The following UNC5D variants were observed in gnomAD, a reference collection of about 807,000 sequenced individuals.
The protein encoded by UNC5D is netrin receptor UNC5D.
In UNC5D, 39 loss-of-function variants were observed where a neutral mutation model predicts 105.4. The observed-to-expected ratio is 0.37, with a 90% CI of 0.29 to 0.48. UNC5D has a LOEUF of 0.48. Ranked by LOEUF, UNC5D falls within the 20% of genes least tolerant of loss-of-function variation. The pLI, the probability that UNC5D is intolerant of heterozygous loss-of-function variation, is 0.98. For missense variants in UNC5D, 991 were observed against 1,202.4 expected (o/e 0.82, Z 2.60); for synonymous variants, 452 against 450.4 (o/e 1.00, Z -0.04).
At chr8:35,246,422 G>C (rs1485280538) in intron 1 of UNC5D, among the ~76,000 whole-genome samples, 2 of 150,762 alleles carry the variant, frequency 1.3e-5, no homozygotes, top group Non-Finnish European at 3.0e-5. Context: ...TTTTTGTTTT[G>C]ATTTCTCTTA....
intron 3 of UNC5D, among the ~76,000 whole-genome samples, chr8:35,591,460 G>A (rs1457843687): frequency 6.6e-6 from 1 of 151,954 alleles, no homozygotes; most frequent in African/African-American, 2.4e-5. Flanking sequence ...TCTTTTTAAA[G>A]CTAGTTTGCC....
In UNC5D at chr8:35,794,217, C is replaced by T. The variant is rs1380242729; in HGVS notation, c.*3654C>T. ...TTCAATTTCTTAGTCCCTCTGCCCTCTGTAAATGTGTTGAGTGATATAGCT... is the reference window on the plus strand; with the variant it reads ...TTCAATTTCTTAGTCCCTCTGCCCTTTGTAAATGTGTTGAGTGATATAGCT... On this transcript the variant is annotated 3_prime_UTR_variant, in exon 17 of 17. Transcript: ENST00000404895. 6.6e-6 allele frequency: 1 copy of T among 152,174 alleles called. No homozygotes were observed. The highest frequency in any genetic ancestry group is 1.5e-5 in the Non-Finnish European group (1 of 68,034). The allele number at this position is 152,174 out of a possible 1,614,324, so 9.4% of individuals were successfully genotyped here.
intron 4 of UNC5D, among the ~76,000 whole-genome samples, chr8:35,608,935 G>T (rs962329203): frequency 2.6e-5 from 4 of 151,956 alleles, no homozygotes; most frequent in African/African-American, 9.7e-5. Flanking sequence ...TAGTGAGATT[G>T]CAGGATCTAA....
intron 1 of UNC5D, among the ~76,000 whole-genome samples, chr8:35,331,661 C>G (rs1381996348): frequency 2.6e-5 from 4 of 152,088 alleles, no homozygotes; most frequent in Non-Finnish European, 5.9e-5. Context: ...TTTAATGTTT[C>G]TTTTTCATCA....
intron 4 of UNC5D, among the ~76,000 whole-genome samples, chr8:35,605,045 G>A (rs575694796): frequency 2.0e-4 from 30 of 152,030 alleles, no homozygotes; most frequent in Non-Finnish European, 3.2e-4. Flanking sequence ...CTCTCAACTC[G>A]TTAAAGTCAT....
chr8:35,631,681 C>T (rs1164124798), intron 4 of UNC5D, among the ~76,000 whole-genome samples: 3 of 152,172 alleles, frequency 2.0e-5, no homozygotes, highest in Admixed American at 1.3e-4. Flanking sequence ...ATCTTACTGA[C>T]AGCTCTTCTG....
At chr8:35,574,386 G>A (rs982830983) in intron 3 of UNC5D, among the ~76,000 whole-genome samples, 19 of 152,140 alleles carry the variant, frequency 1.2e-4, no homozygotes, top group Non-Finnish European at 2.1e-4. Context: ...GTTTTTTAAT[G>A]TATAAAATGT....
At chr8:35,570,989 A>T (rs1817683952) in intron 3 of UNC5D, among the ~76,000 whole-genome samples, 1 of 151,852 alleles carries the variant, frequency 6.6e-6, no homozygotes, top group Non-Finnish European at 1.5e-5. Flanking sequence ...GAGAGAAAGA[A>T]TGTAAAATAT....
chr8:35,738,925 T>C (rs946758054), intron 11 of UNC5D, among the ~76,000 whole-genome samples: 12 of 152,172 alleles, frequency 7.9e-5, no homozygotes, highest in Non-Finnish European at 1.5e-4. Context: ...TAGAAATCTG[T>C]CTTTTGTCTT....
chr8:35,318,362 G>T (rs1809460484), intron 1 of UNC5D, among the ~76,000 whole-genome samples: 1 of 151,720 alleles, frequency 6.6e-6, no homozygotes, highest in African/African-American at 2.4e-5. Flanking sequence ...CTTGTAAGCA[G>T]CAAAAAAAAG....
chr8:35,418,578 G>C (rs971627867), intron 1 of UNC5D, among the ~76,000 whole-genome samples: 1 of 152,114 alleles, frequency 6.6e-6, no homozygotes, highest in African/African-American at 2.4e-5. Flanking sequence ...TCTTCAAACT[G>C]TGTGTCAGAA....
chr8:35,541,369 C>A (rs1815262452), intron 1 of UNC5D, among the ~76,000 whole-genome samples: 1 of 152,136 alleles, frequency 6.6e-6, no homozygotes, highest in Non-Finnish European at 1.5e-5. Context: ...CCACATAAGA[C>A]CAATGGTTTA....
chr8:35,361,795 T>C (rs1386403714), intron 1 of UNC5D, among the ~76,000 whole-genome samples: 1 of 152,172 alleles, frequency 6.6e-6, no homozygotes, highest in African/African-American at 2.4e-5. Context: ...GCTTCAGTTA[T>C]TAAATTAGAC....
At chr8:35,256,147 G>A (rs560011743) in intron 1 of UNC5D, 12 of 152,144 alleles carry the variant, frequency 7.9e-5, no homozygotes, top group African/African-American at 2.2e-4. Context: ...TATGTAGCAC[G>A]TTGAATGTGT....
intron 1 of UNC5D, among the ~76,000 whole-genome samples, chr8:35,504,022 C>T (rs1157667913): frequency 6.6e-6 from 1 of 152,032 alleles, no homozygotes; most frequent in Non-Finnish European, 1.5e-5. Flanking sequence ...GTTTGGCTGA[C>T]CTTAATTAAC....
At chr8:35,649,018 T>C (rs903084166) in intron 4 of UNC5D, among the ~76,000 whole-genome samples, 2 of 152,148 alleles carry the variant, frequency 1.3e-5, no homozygotes, top group African/African-American at 4.8e-5. Flanking sequence ...TAGAAGGAGA[T>C]GGTACTTCAC....
chr8:35,786,588 G>A (rs1214576271), intron 16 of UNC5D, among the ~76,000 whole-genome samples: 2 of 152,130 alleles, frequency 1.3e-5, no homozygotes, highest in East Asian at 1.9e-4. Flanking sequence ...TAAAGGTTCT[G>A]TTATTGCGTT....
intron 1 of UNC5D, among the ~76,000 whole-genome samples, chr8:35,512,491 T>TATATATATATATATATATAG (rs1563488133): frequency 9.5e-5 from 11 of 115,694 alleles, no homozygotes; most frequent in Non-Finnish European, 1.9e-4. Context: ...TATATATATA[T>TATATATATATATATATATAG]ATATATATAT....
chr8:35,689,737 G>T (rs1033112715), intron 7 of UNC5D, among the ~76,000 whole-genome samples: 5 of 152,208 alleles, frequency 3.3e-5, no homozygotes, highest in African/African-American at 9.7e-5. Flanking sequence ...GTCTTCAACT[G>T]ATTGGATGAG....
Sources: gnomAD v4.1 joint callset for allele counts (sites outside exome capture counted in the v4.1 genomes callset) on GRCh38, gnomAD v4.1.1 for gene constraint, MANE v1.5 for transcripts, NCBI Gene and HGNC (gene_info 2026-07-23, HGNC 2026-07-21) for gene names.